The following SPEF2 variants were observed in gnomAD, a reference collection of about 807,000 sequenced individuals.
SPEF2 encodes sperm flagella and cilia-associated protein 2.
Under a neutral mutation model 224.6 loss-of-function variants are expected in SPEF2, and 187 were observed. The observed-to-expected ratio is 0.83, with a 90% confidence interval of 0.74 to 0.94. The LOEUF (loss-of-function observed/expected upper bound fraction) is 0.94. Among genes scored for constraint, SPEF2 ranks in the 40% least tolerant of loss-of-function variants. The pLI, the probability that SPEF2 is intolerant of heterozygous loss-of-function variation, is 0.00. For missense variants in SPEF2, 2,170 were observed against 2,135.6 expected (o/e 1.02, Z -0.32); for synonymous variants, 715 against 707.3 (o/e 1.01, Z -0.17).
intron 10 of SPEF2, among the ~76,000 whole-genome samples, chr5:35,683,311 G>T (rs1250220550): frequency 6.6e-6 from 1 of 152,150 alleles, no homozygotes; most frequent in South Asian, 2.1e-4. Flanking sequence ...GGAAAGGTCA[G>T]TGTAGGTCAA....
At chr5:35,742,695 C>T (rs558106321) in intron 23 of SPEF2, among the ~76,000 whole-genome samples, 1 of 151,872 alleles carries the variant, frequency 6.6e-6, no homozygotes, top group Non-Finnish European at 1.5e-5. Context: ...GATTTCTGCC[C>T]CTTTTTCTGC....
At chr5:35,650,747 C>G (rs1049485459) in intron 6 of SPEF2, among the ~76,000 whole-genome samples, 1 of 152,160 alleles carries the variant, frequency 6.6e-6, no homozygotes, top group African/African-American at 2.4e-5. Flanking sequence ...TAAAGATCAT[C>G]CCTGTACATT....
intron 10 of SPEF2, chr5:35,671,414 T>G: frequency 1.0e-6 from 1 of 973,130 alleles, no homozygotes; most frequent in African/African-American, 1.8e-5. Flanking sequence ...ACTAGAACCT[T>G]AAAAGATATA....
At chr5:35,726,597 C>T (rs1744687821) in intron 20 of SPEF2, among the ~76,000 whole-genome samples, 1 of 152,138 alleles carries the variant, frequency 6.6e-6, no homozygotes, top group Non-Finnish European at 1.5e-5. Flanking sequence ...TTATAATCTA[C>T]TTATTTTTAA....
At chr5:35,652,456 A>G (rs942831796) in intron 6 of SPEF2, among the ~76,000 whole-genome samples, 1 of 152,206 alleles carries the variant, frequency 6.6e-6, no homozygotes, top group African/African-American at 2.4e-5. Context: ...AGATAGGGTT[A>G]AACTCTGTCT....
chr5:35,671,920 C>T (rs1466987150), intron 10 of SPEF2, among the ~76,000 whole-genome samples: 1 of 151,856 alleles, frequency 6.6e-6, no homozygotes, highest in Non-Finnish European at 1.5e-5. Flanking sequence ...CTCCCTTCGA[C>T]ACCATAATGG....
chr5:35,716,996 T>G (rs2149618906), intron 20 of SPEF2, among the ~76,000 whole-genome samples: 1 of 152,326 alleles, frequency 6.6e-6, no homozygotes, highest in South Asian at 2.1e-4. Flanking sequence ...TAGAGTGTTC[T>G]TAAAAAAGAT....
chr5:35,667,711 G>C (rs1353230786), intron 9 of SPEF2, among the ~76,000 whole-genome samples: 2 of 152,002 alleles, frequency 1.3e-5, no homozygotes, highest in Admixed American at 6.6e-5. Context: ...AAAACTTTTT[G>C]CTTTGAAAAA....
chr5:35,696,832 C>T (rs1239855597), intron 14 of SPEF2, among the ~76,000 whole-genome samples: 9 of 152,132 alleles, frequency 5.9e-5, no homozygotes, highest in Non-Finnish European at 1.0e-4. Flanking sequence ...TCGGGCAGGC[C>T]TCCTTGGGAA....
Position 35,697,572 on chromosome 5 carries a change from G to A in SPEF2, c.2038-118G>A, listed in dbSNP as rs919841174. On this transcript the variant is annotated intron_variant, in intron 14 of 36. Coordinates refer to ENST00000356031, the MANE Select transcript of SPEF2 (RefSeq NM_024867.4). ...AATGCTTCCCTGACTCCCGAACTGT[G>A]CCACATGATCAGTGTCATCATCAGA... 5 of 742,346 alleles carry A rather than the reference G, an allele frequency of 6.7e-6. No homozygotes were observed. The East Asian group carries it at 1.4e-4, about 20-fold the overall frequency. The allele number at this position is 742,346 out of a possible 1,614,324, so 46.0% of individuals were successfully genotyped here.
intron 1 of SPEF2, among the ~76,000 whole-genome samples, chr5:35,622,721 C>T (rs184112148): frequency 3.3e-5 from 5 of 152,168 alleles, no homozygotes; most frequent in African/African-American, 9.6e-5. Flanking sequence ...TGGCTAGCCT[C>T]GCAGCGTTTT....
rs1758177691 is a variant in SPEF2, at chr5:35,807,133, CTTCATAAAAACAT to C, written c.5264_5276del (p.Ile1755LysfsTer3). ...TTCATTTTTTTTCTTCCTTAAAGGG[CTTCATAAAAACAT>C]TTCAAGACCTAGGTGCCAAGAACCT... is the stretch of plus-strand genomic sequence containing the variant. On this transcript the variant is annotated frameshift_variant, in exon 36 of 37. Transcript: ENST00000356031. LOFTEE classifies it high-confidence loss of function. 2.5e-6 allele frequency: 4 copies of C among 1,609,718 alleles called. No homozygotes were observed. In the East Asian group the frequency reaches 8.9e-5, roughly 36 times the overall value.
At chr5:35,623,689 A>G (rs1035511574) in intron 1 of SPEF2, among the ~76,000 whole-genome samples, 2 of 152,240 alleles carry the variant, frequency 1.3e-5, no homozygotes, top group Non-Finnish European at 2.9e-5. Flanking sequence ...GGACCTGTAT[A>G]TGAATGCCAG....
rs1208488185 is a variant in SPEF2 at position 35,733,034 on chromosome 5, G to C, written c.3063+5211G>C. Among the ~76,000 whole-genome samples, 7 of 152,150 alleles carry C rather than the reference G, an allele frequency of 4.6e-5. 1 individual carries two copies. Among genetic ancestry groups the C allele is most frequent in the African/African-American group, 1.2e-4 (5 of 41,426 alleles). ...CTATCTTCAGTTTCAGGCATCCCCT[G>C]TGGGTCTGGGAACATATCCCCCCCT... On this transcript the variant is annotated intron_variant, in intron 21 of 36. Transcript: ENST00000356031.
At chr5:35,671,831 G>T (rs532957731) in intron 10 of SPEF2, among the ~76,000 whole-genome samples, 31 of 151,760 alleles carry the variant, frequency 2.0e-4, no homozygotes, top group Non-Finnish European at 2.8e-4. Flanking sequence ...GTCTAGCAAT[G>T]TACTTTATTT....
chr5:35,788,233 C>G (rs564618335), intron 30 of SPEF2: 5 of 702,772 alleles, frequency 7.1e-6, no homozygotes, highest in Non-Finnish European at 1.3e-5. Flanking sequence ...AAGTAACCCT[C>G]GGGAGAGTAG....
At chr5:35,797,792 G>T (rs1756891771) in intron 33 of SPEF2, among the ~76,000 whole-genome samples, 1 of 152,162 alleles carries the variant, frequency 6.6e-6, no homozygotes, top group East Asian at 1.9e-4. Context: ...TACCAAATCG[G>T]AGAGAAATGG....
intron 23 of SPEF2, among the ~76,000 whole-genome samples, chr5:35,745,348 C>T (rs1748327663): frequency 1.3e-5 from 2 of 152,118 alleles, no homozygotes; most frequent in African/African-American, 2.4e-5. Context: ...GGTGCACATC[C>T]GGTGTGCAGA....
intron 30 of SPEF2, among the ~76,000 whole-genome samples, chr5:35,781,013 G>A (rs534806446): frequency 1.3e-5 from 2 of 151,954 alleles, no homozygotes; most frequent in Non-Finnish European, 2.9e-5. Context: ...AACTTGACAT[G>A]TGTCTCAGAA....
Sources: allele counts gnomAD v4.1 joint callset (sites outside exome capture counted in the v4.1 genomes callset), GRCh38; gene constraint gnomAD v4.1.1; transcripts MANE v1.5; gene names NCBI Gene and HGNC (gene_info 2026-07-23, HGNC 2026-07-21).